Variants in DIAPH3 observed in about 807,000 individuals in gnomAD.
DIAPH3 encodes the protein protein diaphanous homolog 3.
Under a neutral mutation model 144.3 loss-of-function variants are expected in DIAPH3, and 117 were observed. That is an observed-to-expected ratio of 0.81 (90% CI 0.70 to 0.95). DIAPH3 has a LOEUF of 0.95. Among genes scored for constraint, DIAPH3 ranks in the 40% least tolerant of loss-of-function variants. The pLI, the probability that DIAPH3 is intolerant of heterozygous loss-of-function variation, is 0.00. For missense variants in DIAPH3, 1,421 were observed against 1,412.7 expected, an observed-to-expected ratio of 1.01 and a Z score of -0.09; for synonymous variants, 519 against 488.9, an observed-to-expected ratio of 1.06 and a Z score of -0.81.
At chr13:59,856,113 G>T (rs1260507658) in intron 22 of DIAPH3, among the ~76,000 whole-genome samples, 11 of 152,002 alleles carry the variant, frequency 7.2e-5, no homozygotes, top group Non-Finnish European at 1.6e-4. Context: ...CTCAAAAGAG[G>T]AATTGAAGCA....
At chr13:59,983,081 G>C (rs890251588) in intron 13 of DIAPH3, among the ~76,000 whole-genome samples, 10 of 137,514 alleles carry the variant, frequency 7.3e-5, no homozygotes, top group African/African-American at 2.8e-4. Flanking sequence ...GCAAGTGCCT[G>C]ACGAAAACTT....
chr13:59,824,368 T>C (rs2041252144), intron 24 of DIAPH3, among the ~76,000 whole-genome samples: 1 of 152,182 alleles, frequency 6.6e-6, no homozygotes, highest in African/African-American at 2.4e-5. Flanking sequence ...GTAATTTGCC[T>C]ATACACGTAT....
chr13:59,812,070 T>G (rs528843362), intron 24 of DIAPH3, among the ~76,000 whole-genome samples: 9 of 152,284 alleles, frequency 5.9e-5, no homozygotes, highest in African/African-American at 2.2e-4. Flanking sequence ...AACAAGTAGG[T>G]GGCTTATGTT....
chr13:59,907,995 A>G (rs1290515023), intron 20 of DIAPH3, among the ~76,000 whole-genome samples: 1 of 152,208 alleles, frequency 6.6e-6, no homozygotes, highest in African/African-American at 2.4e-5. Flanking sequence ...AGAAATTGAC[A>G]TAATTCCCAC....
At chr13:59,932,378 A>G (rs543739867) in intron 17 of DIAPH3, among the ~76,000 whole-genome samples, 27 of 152,222 alleles carry the variant, frequency 1.8e-4, no homozygotes, top group Non-Finnish European at 3.5e-4. Flanking sequence ...TAGTCATCCT[A>G]ATACTACTAC....
intron 22 of DIAPH3, among the ~76,000 whole-genome samples, chr13:59,845,262 T>G (rs1377332650): frequency 1.3e-5 from 2 of 152,124 alleles, no homozygotes; most frequent in Non-Finnish European, 1.5e-5. Flanking sequence ...CAGGCTGGTC[T>G]TGAACTCCTG....
intron 4 of DIAPH3, among the ~76,000 whole-genome samples, chr13:60,060,613 A>G (rs2056731275): frequency 6.6e-6 from 1 of 152,144 alleles, no homozygotes; most frequent in Non-Finnish European, 1.5e-5. Context: ...TCATTTGCTT[A>G]TACTTCATCC....
chr13:59,788,879 T>C (rs1249409250), intron 25 of DIAPH3, among the ~76,000 whole-genome samples: 1 of 152,186 alleles, frequency 6.6e-6, no homozygotes, highest in Non-Finnish European at 1.5e-5. Context: ...CACATGGTGC[T>C]GAAAAAAGGA....
intron 23 of DIAPH3, chr13:59,837,647 GA>G (rs923824805): frequency 1.3e-5 from 2 of 150,780 alleles, no homozygotes; most frequent in African/African-American, 4.9e-5. Context: ...ATAAAATTAA[GA>G]AAAAAGCTAA....
At chr13:59,766,788 C>CAAAA (rs11300341) in intron 27 of DIAPH3, among the ~76,000 whole-genome samples, 1 of 139,366 alleles carries the variant, frequency 7.2e-6, no homozygotes. Flanking sequence ...TCTAGGCTTT[C>CAAAA]AAAAAAAAAA....
chr13:59,714,084 G>C (rs1322210627), intron 27 of DIAPH3, among the ~76,000 whole-genome samples: 2 of 152,078 alleles, frequency 1.3e-5, no homozygotes, highest in African/African-American at 4.8e-5. Context: ...GCTAGGGCCG[G>C]GCGCGGTGGC....
At chr13:59,802,439 C>T (rs1038537580) in intron 25 of DIAPH3, among the ~76,000 whole-genome samples, 5 of 150,986 alleles carry the variant, frequency 3.3e-5, no homozygotes, top group Admixed American at 1.3e-4. Context: ...ATTTACTTAT[C>T]AATTATTATT....
chr13:59,993,342 C>T (rs2140837311), intron 9 of DIAPH3, among the ~76,000 whole-genome samples: 1 of 151,932 alleles, frequency 6.6e-6, no homozygotes, highest in Admixed American at 6.6e-5. Flanking sequence ...AAACAAAAGA[C>T]AGTCTTTCTA....
chr13:59,817,073 CAATA>C (rs967456335), intron 24 of DIAPH3, among the ~76,000 whole-genome samples: 2 of 151,514 alleles, frequency 1.3e-5, no homozygotes, highest in African/African-American at 2.4e-5. Flanking sequence ...TCATTGTGGT[CAATA>C]AATAAATAAA....
At chr13:60,068,605 A>C (rs752903274) in intron 4 of DIAPH3, among the ~76,000 whole-genome samples, 4 of 152,122 alleles carry the variant, frequency 2.6e-5, no homozygotes, top group Non-Finnish European at 5.9e-5. Flanking sequence ...CACCCAGGCA[A>C]TGAGCATACT....
chr13:59,776,405 A>G (rs1486606279), intron 25 of DIAPH3, among the ~76,000 whole-genome samples: 1 of 152,184 alleles, frequency 6.6e-6, no homozygotes, highest in Admixed American at 6.5e-5. Context: ...AATATTTCAG[A>G]CAAATAGCTA....
chr13:59,981,362 C>G (rs2051002726), intron 13 of DIAPH3, among the ~76,000 whole-genome samples: 1 of 150,752 alleles, frequency 6.6e-6, no homozygotes, highest in Middle Eastern at 3.4e-3. Flanking sequence ...ATGAGGAAAC[C>G]AATAGTGAAA....
At chr13:59,759,134 AT>A (rs973075730) in intron 27 of DIAPH3, among the ~76,000 whole-genome samples, 16 of 152,100 alleles carry the variant, frequency 1.1e-4, no homozygotes, top group African/African-American at 3.9e-4. Flanking sequence ...AGTGCTTGGC[AT>A]TTTTTGAAAG....
chr13:59,685,385 T>C (rs185118883), intron 27 of DIAPH3, among the ~76,000 whole-genome samples: 22 of 152,302 alleles, frequency 1.4e-4, no homozygotes, highest in African/African-American at 4.6e-4. Context: ...TTAATTTCAC[T>C]GAAGACCTCT....
Sources: allele counts gnomAD v4.1 joint callset (sites outside exome capture counted in the v4.1 genomes callset), GRCh38; gene constraint gnomAD v4.1.1; transcripts MANE v1.5; gene names NCBI Gene and HGNC (gene_info 2026-07-23, HGNC 2026-07-21).